LRP1B: variants seen among roughly 807,000 people sequenced by gnomAD.
The protein encoded by LRP1B is low-density lipoprotein receptor-related protein 1B.
LRP1B carries 217 observed loss-of-function variants against 556.6 expected under a neutral mutation model. That is an observed-to-expected ratio of 0.39 (90% CI 0.35 to 0.44). The LOEUF is 0.44. LRP1B is among the 20% of genes least tolerant of loss of function. The pLI is 1.00. For synonymous variants in LRP1B, 2,047 were observed against 1,865.8 expected (o/e 1.10, Z -2.50); for missense variants, 5,053 against 5,620.8 (o/e 0.90, Z 3.23).
chr2:141,057,638 G>A (rs1013388636), intron 9 of LRP1B, among the ~76,000 whole-genome samples: 2 of 151,770 alleles, frequency 1.3e-5, no homozygotes, highest in African/African-American at 4.8e-5. Context: ...CAAGCTCTCT[G>A]TCTGTGGCTA....
chr2:140,972,543 A>C (rs1350487470), intron 18 of LRP1B, among the ~76,000 whole-genome samples: 3 of 152,116 alleles, frequency 2.0e-5, no homozygotes, highest in Non-Finnish European at 2.9e-5. Flanking sequence ...AGCATCTTTG[A>C]TGTTCTCAGA....
intron 1 of LRP1B, among the ~76,000 whole-genome samples, chr2:142,126,512 TATC>T (rs1369663388): frequency 6.6e-6 from 1 of 151,886 alleles, no homozygotes; most frequent in African/African-American, 2.4e-5. Flanking sequence ...TGACGAATGA[TATC>T]ATGTTGGCAC....
intron 14 of LRP1B, among the ~76,000 whole-genome samples, chr2:141,012,920 A>G (rs544422216): frequency 6.6e-6 from 1 of 152,040 alleles, no homozygotes; most frequent in South Asian, 2.1e-4. Flanking sequence ...CACATAATTT[A>G]CTAAACTGTT....
chr2:140,949,612 C>T (rs574856271), intron 20 of LRP1B, among the ~76,000 whole-genome samples: 3 of 151,238 alleles, frequency 2.0e-5, no homozygotes, highest in Admixed American at 6.6e-5. Flanking sequence ...TTCTTTTTCA[C>T]TGTTGAAATA....
At chr2:140,702,880 G>A (rs1686699691) in intron 37 of LRP1B, among the ~76,000 whole-genome samples, 1 of 151,902 alleles carries the variant, frequency 6.6e-6, no homozygotes, top group Non-Finnish European at 1.5e-5. Context: ...TTTCTTTCCA[G>A]AAGCCTTCTG....
intron 1 of LRP1B, among the ~76,000 whole-genome samples, chr2:141,983,864 C>T (rs889587247): frequency 6.6e-6 from 1 of 152,244 alleles, no homozygotes; most frequent in East Asian, 1.9e-4. Flanking sequence ...AGTTCGACAC[C>T]GGCCTGGCCA....
rs1682597061 is a variant in LRP1B, at chr2:140,274,653, T to C, written c.12968-55A>G. 2.1e-6 allele frequency: 3 copies of C among 1,444,406 alleles called. No individual in the cohort carries two copies. In the Admixed American group the frequency reaches 5.8e-5, roughly 28 times the overall value. The allele number at this position is 1,444,406 out of a possible 1,614,324, so 89.5% of individuals were successfully genotyped here. Reference sequence around the variant, plus strand: ...AAATTATATTACAGGACATTTTTCTTCAGTCATAATTAAGGTGACCCTTTC... The same window carrying C: ...AAATTATATTACAGGACATTTTTCTCCAGTCATAATTAAGGTGACCCTTTC... On this transcript the variant is annotated intron_variant, in intron 84 of 90. Coordinates refer to ENST00000389484, the MANE Select transcript of LRP1B (RefSeq NM_018557.3).
At chr2:141,183,661 C>G (rs1681110379) in intron 7 of LRP1B, among the ~76,000 whole-genome samples, 1 of 152,020 alleles carries the variant, frequency 6.6e-6, no homozygotes, top group Admixed American at 6.6e-5. Context: ...TCAAAAGATT[C>G]ATCCCACACA....
intron 59 of LRP1B, among the ~76,000 whole-genome samples, chr2:140,481,150 G>A (rs1235308999): frequency 6.6e-6 from 1 of 152,212 alleles, no homozygotes; most frequent in Non-Finnish European, 1.5e-5. Context: ...ACAGGCGTGA[G>A]CCACTGTGCC....
chr2:141,197,899 G>T lies in LRP1B; in HGVS notation c.851-9316C>A, dbSNP rs145459930. Among the ~76,000 whole-genome samples the T allele has an allele frequency of 3.4e-3, 517 of 152,114 alleles. 4 individuals are homozygous for T. Among genetic ancestry groups the T allele is most frequent in the African/African-American group, 0.012 (493 of 41,520 alleles). Reference sequence around the variant, plus strand: ...ATTTTGAAGACATCACAGAAAATCAGAAAAATTCCAAATCCAGATTTGTTT... The same window carrying T: ...ATTTTGAAGACATCACAGAAAATCATAAAAATTCCAAATCCAGATTTGTTT... On this transcript the variant is annotated intron_variant, in intron 6 of 90. Coordinates refer to ENST00000389484, the MANE Select transcript of LRP1B (RefSeq NM_018557.3).
chr2:140,672,968 T>C (rs1185310670), intron 41 of LRP1B, among the ~76,000 whole-genome samples: 2 of 152,236 alleles, frequency 1.3e-5, no homozygotes, highest in South Asian at 2.1e-4. Flanking sequence ...TTAGCTCTTC[T>C]TTCTTCTGAG....
rs977393336 is a variant in LRP1B at position 141,291,800 on chromosome 2, G to A, written c.344-37159C>T. Among the ~76,000 whole-genome samples, 6 of 141,388 alleles carry A rather than the reference G, an allele frequency of 4.2e-5. No individual in the cohort carries two copies. The South Asian group carries it at 6.8e-4, about 16-fold the overall frequency. 92.8% of individuals were successfully genotyped at this position (141,388 alleles called of 152,430 possible). On this transcript the variant is annotated intron_variant, in intron 3 of 90. Transcript: ENST00000389484. Reference sequence around the variant, plus strand: ...GAACCCGGGAGGCGGAGCTTGCAGTGAGCAGAGATCGCGCCACTGCACTCC... The same window carrying A: ...GAACCCGGGAGGCGGAGCTTGCAGTAAGCAGAGATCGCGCCACTGCACTCC...
intron 1 of LRP1B, among the ~76,000 whole-genome samples, chr2:142,053,902 C>A (rs1327278585): frequency 6.6e-6 from 1 of 152,028 alleles, no homozygotes; most frequent in Non-Finnish European, 1.5e-5. Context: ...AGACCAGGGA[C>A]AAGAGTATAC....
intron 14 of LRP1B, among the ~76,000 whole-genome samples, chr2:141,008,203 T>G (rs1020411429): frequency 3.3e-5 from 5 of 151,500 alleles, no homozygotes; most frequent in African/African-American, 1.2e-4. Context: ...ATTAACATAT[T>G]AATAGCTGCT....
At chr2:140,659,325 T>A (rs1198018974) in intron 41 of LRP1B, among the ~76,000 whole-genome samples, 1 of 151,920 alleles carries the variant, frequency 6.6e-6, no homozygotes, top group African/African-American at 2.4e-5. Flanking sequence ...GGAATGATAC[T>A]ACCCTGTGTA....
At chr2:141,984,205 A>C (rs895328744) in intron 1 of LRP1B, among the ~76,000 whole-genome samples, 1 of 152,200 alleles carries the variant, frequency 6.6e-6, no homozygotes, top group Admixed American at 6.5e-5. Context: ...CATGTGCACA[A>C]CGTGCAGGTT....
In LRP1B at chr2:141,019,969, C is replaced by T. The variant is rs2105396714; in HGVS notation, c.1923G>A (p.Glu641=). ...KASQSRKTLL[E]GEMSHPRGIV... ...TTCCTCTGGGATGAGACATTTCACC[C>T]TCTAAAAGAGTCTTCCGACTCTGAG... Residue 641 remains glutamate, a synonymous_variant, in exon 12 of 91, where the codon GAG becomes GAA. Transcript: ENST00000389484. 6.2e-7 allele frequency: 1 copy of T among 1,611,582 alleles called. No individual in the cohort carries two copies. Among genetic ancestry groups the T allele is most frequent in the Non-Finnish European group, 8.5e-7 (1 of 1,178,434 alleles).
chr2:141,843,401 A>C (rs1163593844), intron 1 of LRP1B, among the ~76,000 whole-genome samples: 1 of 152,122 alleles, frequency 6.6e-6, no homozygotes, highest in Non-Finnish European at 1.5e-5. Flanking sequence ...AGCTTTTAGA[A>C]ATTGTTTAAC....
intron 2 of LRP1B, among the ~76,000 whole-genome samples, chr2:141,784,827 C>A (rs1695376629): frequency 6.6e-6 from 1 of 151,954 alleles, no homozygotes; most frequent in Non-Finnish European, 1.5e-5. Flanking sequence ...TTGTTTGGCA[C>A]CGATAACAGT....
Sources: gnomAD v4.1 joint callset for allele counts (sites outside exome capture counted in the v4.1 genomes callset) on GRCh38, gnomAD v4.1.1 for gene constraint, MANE v1.5 for transcripts, NCBI Gene and HGNC (gene_info 2026-07-23, HGNC 2026-07-21) for gene names.